CITED1: variants seen among roughly 807,000 people sequenced by gnomAD.
The protein encoded by CITED1 is cbp/p300-interacting transactivator 1.
Under a neutral mutation model 8.5 loss-of-function variants are expected in CITED1, and 3 were observed. The ratio of observed to expected loss-of-function variants is 0.35; its 90% CI spans 0.16 to 0.91. The LOEUF is 0.91. Among genes scored for constraint, CITED1 ranks in the 40% least tolerant of loss-of-function variants. The pLI is 0.46. For missense variants in CITED1, 113 were observed against 154.8 expected, an observed-to-expected ratio of 0.73 and a Z score of 1.43; for synonymous variants, 54 against 67.4, an observed-to-expected ratio of 0.80 and a Z score of 0.97.
rs1404964857 is a variant in CITED1 at position 72,301,949 on chromosome X, C to G, written c.356G>C (p.Gly119Ala). The G allele has an allele frequency of 8.3e-7, 1 of 1,212,046 alleles. No individual in the cohort carries two copies. The highest frequency in any genetic ancestry group is 1.1e-6 in the Non-Finnish European group (1 of 895,538). ...CCCAAAGTCCCAGTTTTGCAGGGGTCCTGCCTCCCCGGGTTGGCCTGGAGT... is the reference window on the plus strand; with the variant it reads ...CCCAAAGTCCCAGTTTTGCAGGGGTGCTGCCTCCCCGGGTTGGCCTGGAGT... ...AATPGQPGEA[G>A]PLQNWDFGAQ... Residue 119 changes from glycine to alanine, a missense_variant, in exon 3 of 3, where the codon GGA becomes GCA. Coordinates refer to ENST00000651998, the MANE Select transcript of CITED1 (RefSeq NM_001144887.2).
At chrX:72,306,163 G>C (rs755103586), upstream of CITED1, among the ~76,000 whole-genome samples, 2 of 112,038 alleles carry the variant, frequency 1.8e-5, no homozygotes, top group Admixed American at 1.9e-4. Flanking sequence ...TGCGGTCCGG[G>C]AGATTAGCAA....
At position 72,302,823 on chromosome X, in the gene CITED1, G is replaced by A. The variant is rs749305328; in HGVS notation, c.47C>T (p.Ser16Leu). ...RPALDVKGGTSPAKEDANQEM... is the reference protein window; with the variant it reads ...RPALDVKGGTLPAKEDANQEM... Reference sequence around the variant, plus strand: ...GGCAAAAATTACCTCCTTCGCAGGTGAGGTGCCACCCTTGACATCAAGTGC... The same window carrying A: ...GGCAAAAATTACCTCCTTCGCAGGTAAGGTGCCACCCTTGACATCAAGTGC... Residue 16 changes from serine (S) to leucine (L), a missense_variant, in exon 2 of 3, where the codon TCA (serine) becomes TTA (leucine). By Grantham distance (145) the Ser-to-Leu change is moderately radical. Transcript: ENST00000651998. 3 of 1,209,853 alleles carry A rather than the reference G, an allele frequency of 2.5e-6. No homozygotes were observed. The highest frequency in any genetic ancestry group is 3.4e-6 in the Non-Finnish European group (3 of 894,140).
intron 1 of CITED1, among the ~76,000 whole-genome samples, chrX:72,303,694 C>T (rs1199123405): frequency 9.0e-6 from 1 of 111,626 alleles, no homozygotes; most frequent in Non-Finnish European, 1.9e-5. Context: ...CAGGTAGCAG[C>T]GGTTCTGGGA....
At chrX:72,306,232 TC>T (rs2043337636), upstream of CITED1, among the ~76,000 whole-genome samples, 2 of 108,769 alleles carry the variant, frequency 1.8e-5, no homozygotes, top group South Asian at 4.0e-4. Flanking sequence ...TGCTGCCGTC[TC>T]CCCGGGAGAA....
chrX:72,301,744 C>T lies in CITED1; in HGVS notation c.561G>A (p.Ala187=), dbSNP rs773684544. The change falls in exon 3 of 3, where the codon GCG becomes GCA. Residue 187 remains alanine, a synonymous_variant. Coordinates refer to ENST00000651998, the MANE Select transcript of CITED1 (RefSeq NM_001144887.2). The stretch of plus-strand genomic sequence containing the variant: ...GGCATTAGCAGCTAGATGGAAAGTC[C>T]GCAGTGAAGTCAAACTCATTCTGCC... ...WLGQNEFDFT[A]DFPSSC 1.0e-4 allele frequency: 124 copies of T among 1,209,724 alleles called. No homozygotes were observed. The highest frequency in any genetic ancestry group is 1.3e-4 in the Non-Finnish European group (118 of 894,817).
At chrX:72,305,332 C>T (rs1335109931) in intron 1 of CITED1, 1 of 1,163,127 alleles carries the variant, frequency 8.6e-7, no homozygotes. Flanking sequence ...GCTATTTTCT[C>T]ACTCAGAAGG....
At chrX:72,303,135 G>A (rs1160688417) in intron 1 of CITED1, among the ~76,000 whole-genome samples, 1 of 113,215 alleles carries the variant, frequency 8.8e-6, no homozygotes, top group Non-Finnish European at 1.9e-5. Context: ...TGCTTGATTC[G>A]GCCAGGTACT....
chrX:72,305,569 A>G, intron 1 of CITED1: 1 of 362,152 alleles, frequency 2.8e-6, no homozygotes, highest in Non-Finnish European at 4.9e-6. Flanking sequence ...CGTTCCCGCA[A>G]GTGCTGTATC....
intron 2 of CITED1, 102 bp from the exon 3 acceptor site, chrX:72,302,346 A>G (rs1392250972): frequency 1.1e-6 from 1 of 948,502 alleles, no homozygotes; most frequent in African/African-American, 2.0e-5. Flanking sequence ...ATTTGGGACT[A>G]GAGGTGGAGA....
intron 1 of CITED1, among the ~76,000 whole-genome samples, chrX:72,303,437 G>A (rs144274269): frequency 3.1e-3 from 346 of 112,465 alleles, no homozygotes; most frequent in African/African-American, 0.011. Flanking sequence ...TAGCGCAAAT[G>A]TCATGGAGCT....
intron 1 of CITED1, among the ~76,000 whole-genome samples, chrX:72,304,583 TC>T (rs1265052221): frequency 1.8e-5 from 2 of 111,134 alleles, no homozygotes; most frequent in Non-Finnish European, 3.8e-5. Flanking sequence ...TATCCAGCCT[TC>T]CCTCTCCTTT....
chrX:72,303,488 G>A (rs1168846612), intron 1 of CITED1, among the ~76,000 whole-genome samples: 1 of 112,214 alleles, frequency 8.9e-6, no homozygotes, highest in Admixed American at 9.4e-5. Flanking sequence ...AAGCCAGGCT[G>A]ATTAGGGTGG....
In CITED1 at chrX:72,302,262, G is replaced by A. The variant is rs2043296766; in HGVS notation, c.61-18C>T. ...TTGGCATCCTAGAAGACAGAGAAAAGCACACCATAGTAACCCTGCTCCTGG... is the reference window on the plus strand; with the variant it reads ...TTGGCATCCTAGAAGACAGAGAAAAACACACCATAGTAACCCTGCTCCTGG... On this transcript the variant is annotated intron_variant, in intron 2 of 2. Coordinates refer to ENST00000651998, the MANE Select transcript of CITED1 (RefSeq NM_001144887.2). 8.4e-7 allele frequency: 1 copy of A among 1,194,988 alleles called. No individual in the cohort carries two copies. The highest frequency in any genetic ancestry group is 1.1e-6 in the Non-Finnish European group (1 of 885,733).
rs1446619846 is a variant in CITED1 at position 72,302,013 on chromosome X, G to A, written c.292C>T (p.Gln98Ter). 8.3e-7 allele frequency: 1 copy of A among 1,207,104 alleles called. No homozygotes were observed. Among genetic ancestry groups the A allele is most frequent in the Non-Finnish European group, 1.1e-6 (1 of 892,839 alleles). The change falls in exon 3 of 3, where the codon CAG becomes TAG. Residue 98 changes from glutamine to a stop codon, truncating the protein, a stop_gained. Coordinates refer to ENST00000651998, the MANE Select transcript of CITED1 (RefSeq NM_001144887.2). LOFTEE classifies it high-confidence loss of function. ...CCCTGATACTGGCTATTAAGTTTCT[G>A]CAGGTGCATACTAGCCAGCAAGTGA... ...APHLLASMHL[Q>*]KLNSQYQGMA... is the part of the protein sequence containing the mutation.
intron 1 of CITED1, chrX:72,305,548 C>T: frequency 2.6e-6 from 1 of 379,888 alleles, no homozygotes; most frequent in South Asian, 3.7e-5. Context: ...GCCACCGGGG[C>T]CCTGAGCGTC....
upstream of CITED1, chrX:72,306,596 C>G (rs183069094): frequency 9.0e-6 from 1 of 111,211 alleles, no homozygotes. Flanking sequence ...GCGAACCGGT[C>G]GCGCTCAGCG....
upstream of CITED1, chrX:72,307,135 G>A (rs1322968555): frequency 9.0e-6 from 1 of 111,246 alleles, no homozygotes; most frequent in Admixed American, 9.4e-5. Context: ...GCTTCCTCTC[G>A]GCAGCTCAGC....
chrX:72,305,418 G>C (rs1442311396), intron 1 of CITED1: 1 of 669,539 alleles, frequency 1.5e-6, no homozygotes, highest in Non-Finnish European at 2.3e-6. Flanking sequence ...TTCGCCACCT[G>C]AAAACTAAAG....
At chrX:72,303,001 C>G in intron 1 of CITED1, 67 bp from the exon 2 acceptor site, 1 of 1,153,429 alleles carries the variant, frequency 8.7e-7, no homozygotes, top group South Asian at 2.0e-5. Flanking sequence ...ACTAGCAAAG[C>G]CCAAAGCAGG....
Sources: gnomAD v4.1 joint callset for allele counts (sites outside exome capture counted in the v4.1 genomes callset) on GRCh38, gnomAD v4.1.1 for gene constraint, MANE v1.5 for transcripts, NCBI Gene and HGNC (gene_info 2026-07-23, HGNC 2026-07-21) for gene names.